Variants in MAP3K20 observed in about 807,000 individuals in gnomAD.
MAP3K20 encodes the protein mitogen-activated protein kinase kinase kinase 20, also known as HCCS-4.
MAP3K20 carries 40 observed loss-of-function variants against 85.7 expected under a neutral mutation model. The observed-to-expected ratio is 0.47, with a 90% CI of 0.36 to 0.61. The LOEUF (loss-of-function observed/expected upper bound fraction) is 0.61. Ranked by LOEUF, MAP3K20 falls within the 20% of genes least tolerant of loss-of-function variation. The probability of loss-of-function intolerance (pLI) is 0.00; values close to 1 mark genes in which losing one functional copy is unlikely to be tolerated. For synonymous variants in MAP3K20, 325 were observed against 327.7 expected (o/e 0.99, Z 0.09); for missense variants, 817 against 961.7 (o/e 0.85, Z 1.99).
At chr2:173,213,716 G>A (rs937882340) in intron 10 of MAP3K20, among the ~76,000 whole-genome samples, 55 of 152,266 alleles carry the variant, frequency 3.6e-4, no homozygotes, top group African/African-American at 1.3e-3. Context: ...TGTACAGTGC[G>A]GTTACTAGAC....
At chr2:173,259,822 G>A (rs962335590) in intron 17 of MAP3K20, among the ~76,000 whole-genome samples, 2 of 152,042 alleles carry the variant, frequency 1.3e-5, no homozygotes, top group Non-Finnish European at 2.9e-5. Context: ...TTCTTATTTT[G>A]TCAGGACACA....
At chr2:173,170,328 A>G (rs1316043488) in intron 3 of MAP3K20, among the ~76,000 whole-genome samples, 2 of 152,224 alleles carry the variant, frequency 1.3e-5, no homozygotes, top group African/African-American at 4.8e-5. Context: ...CATAAGAACA[A>G]TATTTTTCAG....
intron 9 of MAP3K20, among the ~76,000 whole-genome samples, chr2:173,204,967 G>T (rs924530634): frequency 2.0e-4 from 30 of 151,994 alleles, no homozygotes; most frequent in African/African-American, 6.5e-4. Flanking sequence ...GCCGGGCGTG[G>T]TGGCGGGCAC....
chr2:173,196,129 C>G (rs1054657627), intron 7 of MAP3K20, among the ~76,000 whole-genome samples: 1 of 152,162 alleles, frequency 6.6e-6, no homozygotes, highest in Non-Finnish European at 1.5e-5. Flanking sequence ...AGGCACTGCT[C>G]ATCTGTGCGT....
At chr2:173,223,673 G>C in intron 11 of MAP3K20, 3 of 985,350 alleles carry the variant, frequency 3.0e-6, no homozygotes, top group Non-Finnish European at 3.6e-6. Context: ...TCTGAGGTGA[G>C]ACTAAACACA....
intron 10 of MAP3K20, chr2:173,211,304 A>G (rs1438053361): frequency 6.6e-6 from 1 of 152,146 alleles, no homozygotes; most frequent in African/African-American, 2.4e-5. Flanking sequence ...GACTCACCAG[A>G]CCCTCATTAC....
At position 173,258,912 on chromosome 2, in the gene MAP3K20, T is replaced by C. The variant is rs1685224176; in HGVS notation, c.1476+97T>C. 5 of 750,220 alleles carry C rather than the reference T, an allele frequency of 6.7e-6. No homozygotes were observed. In the East Asian group the frequency reaches 1.0e-4, roughly 15 times the overall value. The allele number at this position is 750,220 out of a possible 1,614,324, so 46.5% of individuals were successfully genotyped here. A position where few individuals can be genotyped will look rare whatever the true frequency, so the allele number is the denominator to read the frequency against. On this transcript the variant is annotated intron_variant, in intron 17 of 19. Transcript: ENST00000375213. ...AGCAGTGTGCTTTTGTGCTTGTCCA[T>C]GCTCACATCAGCTCAGCCTCGAGCT...
intron 2 of MAP3K20, among the ~76,000 whole-genome samples, chr2:173,150,976 G>A (rs187424970): frequency 2.3e-4 from 35 of 152,272 alleles, no homozygotes; most frequent in African/African-American, 8.2e-4. Context: ...TGTGTTAAGT[G>A]GATACTGGTT....
chr2:173,143,498 CATAAA>C (rs545127218), intron 2 of MAP3K20, among the ~76,000 whole-genome samples: 165 of 152,248 alleles, frequency 1.1e-3, no homozygotes, highest in African/African-American at 3.8e-3. Context: ...CAGGATAGAT[CATAAA>C]ATAAGTTTTT....
At chr2:173,241,036 A>C (rs190875745) in intron 16 of MAP3K20, among the ~76,000 whole-genome samples, 49 of 152,314 alleles carry the variant, frequency 3.2e-4, no homozygotes, top group African/African-American at 1.1e-3. Context: ...CTAAAAATTA[A>C]AACACTTGAA....
At chr2:173,175,426 C>G (rs1018440418) in intron 3 of MAP3K20, among the ~76,000 whole-genome samples, 1 of 152,158 alleles carries the variant, frequency 6.6e-6, no homozygotes, top group Non-Finnish European at 1.5e-5. Flanking sequence ...AACTGGCCTA[C>G]TTGTCCTTAT....
Position 173,232,455 on chromosome 2 carries a change from T to G in MAP3K20, c.1199T>G (p.Phe400Cys), listed in dbSNP as rs758194903. ...GIVSKGHIIHFKSAIEKLTHD... is the reference protein window; with the variant it reads ...GIVSKGHIIHCKSAIEKLTHD... ...GTCTCCAAGGGGCATATCATTCACT[T>G]CAAGGTACCTGAGAAAGGGACAACA... The change falls in exon 14 of 20, where the codon TTC becomes TGC. Residue 400 changes from phenylalanine to cysteine, a missense_variant. Physicochemically the swap from Phe to Cys is radical, Grantham distance 205. This residue lies in a region of MAP3K20 where 5 missense variants were observed against 20.0 expected (regional missense o/e 0.25). Transcript: ENST00000375213. 1 of 1,611,722 alleles carries G rather than the reference T, an allele frequency of 6.2e-7. No homozygotes were observed. The highest frequency in any genetic ancestry group is 8.5e-7 in the Non-Finnish European group (1 of 1,179,440).
intron 1 of MAP3K20, among the ~76,000 whole-genome samples, chr2:173,082,605 T>G (rs113411140): frequency 0.016 from 2,370 of 152,332 alleles, 60 homozygotes; most frequent in African/African-American, 0.054. Flanking sequence ...CGAACTGAAG[T>G]GAGCCTTGTT....
At chr2:173,190,214 T>G (rs189496440) in intron 5 of MAP3K20, among the ~76,000 whole-genome samples, 1 of 152,318 alleles carries the variant, frequency 6.6e-6, no homozygotes, top group East Asian at 1.9e-4. Context: ...AAGCATCATT[T>G]CTTACAGGAA....
chr2:173,145,927 ACTG>A (rs1428278180), intron 2 of MAP3K20, among the ~76,000 whole-genome samples: 1 of 151,972 alleles, frequency 6.6e-6, no homozygotes, highest in Non-Finnish European at 1.5e-5. Flanking sequence ...AGAATGAACT[ACTG>A]ATATATATAT....
chr2:173,184,967 C>G (rs1421196691), intron 4 of MAP3K20, among the ~76,000 whole-genome samples: 1 of 150,932 alleles, frequency 6.6e-6, no homozygotes, highest in Non-Finnish European at 1.5e-5. Context: ...AGAGGCCAGG[C>G]ACGGTGGCTC....
intron 1 of MAP3K20, among the ~76,000 whole-genome samples, chr2:173,080,751 A>C (rs917862497): frequency 5.3e-5 from 8 of 152,174 alleles, no homozygotes; most frequent in African/African-American, 1.9e-4. Context: ...AGTTATACTT[A>C]TGTAGTGGGT....
chr2:173,133,702 C>G (rs758221059), intron 2 of MAP3K20, among the ~76,000 whole-genome samples: 2 of 151,916 alleles, frequency 1.3e-5, no homozygotes, highest in Non-Finnish European at 2.9e-5. Flanking sequence ...AGGGTAGATC[C>G]GAGGCTCCTG....
intron 2 of MAP3K20, among the ~76,000 whole-genome samples, chr2:173,163,797 G>T (rs1021275982): frequency 6.6e-6 from 1 of 152,142 alleles, no homozygotes; most frequent in Non-Finnish European, 1.5e-5. Context: ...TGTAAGTATG[G>T]AATATAAGTA....
Sources: gnomAD v4.1 joint callset for allele counts (sites outside exome capture counted in the v4.1 genomes callset) on GRCh38, gnomAD v4.1.1 for gene constraint, gnomAD v4.1.1 regional missense constraint, MANE v1.5 for transcripts, NCBI Gene and HGNC (gene_info 2026-07-23, HGNC 2026-07-21) for gene names.